SH3BP5L: variants seen among roughly 807,000 people sequenced by gnomAD.
SH3BP5L encodes SH3 binding domain protein 5 like, also known as SH3 domain-binding protein 5-like.
In SH3BP5L, 16 loss-of-function variants were observed where a neutral mutation model predicts 40.9. The observed-to-expected ratio is 0.39, with a 90% CI of 0.27 to 0.59. The LOEUF is 0.59. Ranked by LOEUF, SH3BP5L falls within the 20% of genes least tolerant of loss-of-function variation. The pLI, the probability that SH3BP5L is intolerant of heterozygous loss-of-function variation, is 0.53. For synonymous variants in SH3BP5L, 229 were observed against 226.7 expected (o/e 1.01, Z -0.09); for missense variants, 471 against 544.6 (o/e 0.86, Z 1.35).
rs377372429 is a variant in SH3BP5L, at chr1:248,813,094, T to C, written c.606A>G (p.Gln202=). 3.1e-6 allele frequency: 5 copies of C among 1,611,726 alleles called. No homozygotes were observed. The African/African-American group carries it at 6.7e-5, about 22-fold the overall frequency. ...GGGCTTGGACCCGAGCCTCAGCCTG[T>C]TGGCACAGCCGAGTCACTCGCTGGT... The part of the protein sequence containing the change: ...REHQRVTRLC[Q]QAEARVQALQ... The change falls in exon 6 of 7, where the codon CAA becomes CAG. Residue 202 remains glutamine, a synonymous_variant. Transcript: ENST00000366472.
intron 4 of SH3BP5L, chr1:248,816,276 C>A (rs1664101967): frequency 4.4e-6 from 2 of 456,162 alleles, no homozygotes; most frequent in Non-Finnish European, 8.1e-6. Flanking sequence ...TCCTGATACA[C>A]AGAAGGCACT....
At chr1:248,815,038 C>G (rs1178102194) in intron 4 of SH3BP5L, among the ~76,000 whole-genome samples, 14 of 152,162 alleles carry the variant, frequency 9.2e-5, no homozygotes. Flanking sequence ...TCATCATAGC[C>G]ATACCAACCA....
intron 2 of SH3BP5L, chr1:248,820,413 GC>G (rs1156895279): frequency 6.6e-6 from 1 of 152,254 alleles, no homozygotes; most frequent in Non-Finnish European, 1.5e-5. Flanking sequence ...CTCCCTGGGG[GC>G]CCAGCTTCCT....
At chr1:248,818,670 G>C (rs1312686129) in intron 2 of SH3BP5L, among the ~76,000 whole-genome samples, 2 of 152,226 alleles carry the variant, frequency 1.3e-5, no homozygotes, top group Non-Finnish European at 2.9e-5. Flanking sequence ...GAACCATCCA[G>C]GGCTTTCCAT....
chr1:248,822,792 A>T (rs1395695138), intron 2 of SH3BP5L, among the ~76,000 whole-genome samples: 1 of 150,898 alleles, frequency 6.6e-6, no homozygotes, highest in Non-Finnish European at 1.5e-5. Flanking sequence ...CCCCCCAAGT[A>T]GCTGGGATTA....
At chr1:248,815,743 C>A (rs189698649) in intron 4 of SH3BP5L, among the ~76,000 whole-genome samples, 2 of 152,330 alleles carry the variant, frequency 1.3e-5, no homozygotes, top group East Asian at 3.9e-4. Flanking sequence ...CAGGGCCTAG[C>A]AAAGTTATTC....
At chr1:248,819,093 C>G (rs1301941940) in intron 2 of SH3BP5L, among the ~76,000 whole-genome samples, 1 of 152,154 alleles carries the variant, frequency 6.6e-6, no homozygotes, top group Non-Finnish European at 1.5e-5. Flanking sequence ...CTTCTATCCT[C>G]CCCCCATCCC....
At chr1:248,819,272 G>A (rs1664190215) in intron 2 of SH3BP5L, among the ~76,000 whole-genome samples, 2 of 152,058 alleles carry the variant, frequency 1.3e-5, no homozygotes, top group Non-Finnish European at 2.9e-5. Context: ...CCCTGCCTAA[G>A]GAGGGCCACA....
At chr1:248,822,531 C>A (rs1664277802) in intron 2 of SH3BP5L, among the ~76,000 whole-genome samples, 1 of 152,210 alleles carries the variant, frequency 6.6e-6, no homozygotes. Flanking sequence ...AGCGACATCA[C>A]AAGTTCACTG....
chr1:248,824,943 G>T lies in SH3BP5L; in HGVS notation c.-8C>A. 6.2e-7 allele frequency: 1 copy of T among 1,610,890 alleles called. No homozygotes were observed. The highest frequency in any genetic ancestry group is 8.5e-7 in the Non-Finnish European group (1 of 1,178,776). Reference sequence around the variant, plus strand: ...CTGTCTGAGCTCAGCCATGCTGACAGGGGGAGGGCAGAGCCCTATGCACAA... The same window carrying T: ...CTGTCTGAGCTCAGCCATGCTGACATGGGGAGGGCAGAGCCCTATGCACAA... On this transcript the variant is annotated 5_prime_UTR_variant, in exon 2 of 7. The change creates a new upstream start codon in the 5' untranslated region. Coordinates refer to ENST00000366472, the MANE Select transcript of SH3BP5L (RefSeq NM_030645.3).
At position 248,813,126 on chromosome 1, in the gene SH3BP5L, G is replaced by C. The variant is rs554983579; in HGVS notation, c.574C>G (p.Arg192Gly). The C allele has an allele frequency of 6.8e-6, 11 of 1,606,874 alleles. No individual in the cohort carries two copies. In the Admixed American group the frequency reaches 1.7e-4, roughly 25 times the overall value. ...EAEEERLRGE[R>G]EHQRVTRLCQ... ...AGCCGAGTCACTCGCTGGTGCTCCC[G>C]CTCACCTCGAAGCCGCTCTTCCTCC... Residue 192 changes from arginine to glycine, a missense_variant, in exon 6 of 7, where the codon CGG becomes GGG. Coordinates refer to ENST00000366472, the MANE Select transcript of SH3BP5L (RefSeq NM_030645.3).
chr1:248,816,849 C>A lies in SH3BP5L; in HGVS notation c.219G>T (p.Glu73Asp). Reference protein sequence around the residue: ...ELEHLNQASEEINQVELQLDE... With the variant: ...ELEHLNQASEDINQVELQLDE... ...CCAGCTGTAGTTCCACCTGGTTGAT[C>A]TCCTCGCTGGCCTGGTTCAGGTGCT... The change falls in exon 3 of 7, where the codon GAG becomes GAT. Residue 73 changes from glutamate (E) to aspartate (D), a missense_variant. Physicochemically the swap from Glu to Asp is conservative, Grantham distance 45. Coordinates refer to ENST00000366472, the MANE Select transcript of SH3BP5L (RefSeq NM_030645.3). 6.2e-7 allele frequency: 1 copy of A among 1,614,208 alleles called. No individual in the cohort carries two copies. Among genetic ancestry groups the A allele is most frequent in the Non-Finnish European group, 8.5e-7 (1 of 1,180,036 alleles).
At position 248,812,953 on chromosome 1, in the gene SH3BP5L, C is replaced by G; in HGVS notation, c.711+36G>C. 6.5e-7 allele frequency: 1 copy of G among 1,535,068 alleles called. No individual in the cohort carries two copies. The highest frequency in any genetic ancestry group is 1.2e-5 in the South Asian group (1 of 80,490). ...CATCCCCTCCAGCCTGCACCCCCAC[C>G]TACCCATTCCTCCTCCCCCTCACCC... On this transcript the variant is annotated intron_variant, in intron 6 of 6. Transcript: ENST00000366472. The surrounding 1 kb of genome is among the most constrained non-coding windows in gnomAD (Gnocchi z 6.1).
Position 248,812,866 on chromosome 1 carries a change from C to T in SH3BP5L, c.711+123G>A, listed in dbSNP as rs75254356. 0.078 allele frequency: 64,557 copies of T among 832,284 alleles called. 4,504 individuals carry two copies. Among genetic ancestry groups the T allele is most frequent in the African/African-American group, 0.23 (13,189 of 57,240 alleles). 51.6% of individuals were successfully genotyped at this position (832,284 alleles called of 1,614,324 possible). A position where few individuals can be genotyped will look rare whatever the true frequency, so the allele number is the denominator to read the frequency against. On this transcript the variant is annotated intron_variant, in intron 6 of 6. Transcript: ENST00000366472. The surrounding 1 kb of genome is among the most constrained non-coding windows in gnomAD (Gnocchi z 6.1). ...GAACATGTGTGCCACCACCCTTCCCCACCGCTAGCCGGAGGCCTCACCCTG... is the reference window on the plus strand; with the variant it reads ...GAACATGTGTGCCACCACCCTTCCCTACCGCTAGCCGGAGGCCTCACCCTG...
intron 4 of SH3BP5L, chr1:248,815,979 G>C (rs1468349748): frequency 6.4e-6 from 1 of 156,480 alleles, no homozygotes; most frequent in African/African-American, 2.4e-5. Flanking sequence ...TCACCATACA[G>C]GATGACAACA....
chr1:248,822,461 C>A (rs754323820), intron 2 of SH3BP5L, among the ~76,000 whole-genome samples: 1 of 152,194 alleles, frequency 6.6e-6, no homozygotes, highest in Non-Finnish European at 1.5e-5. Context: ...CCACAACATT[C>A]CACAACGTGT....
chr1:248,819,655 A>G (rs1664198860), intron 2 of SH3BP5L, among the ~76,000 whole-genome samples: 1 of 139,782 alleles, frequency 7.2e-6, no homozygotes, highest in South Asian at 2.4e-4. Flanking sequence ...GTGGTCTGAG[A>G]TTGTGCCACT....
At position 248,813,059 on chromosome 1, in the gene SH3BP5L, G is replaced by A. The variant is rs538525157; in HGVS notation, c.641C>T (p.Thr214Ile). 2 of 1,612,060 alleles carry A rather than the reference G, an allele frequency of 1.2e-6. No individual in the cohort carries two copies. The highest frequency in any genetic ancestry group is 1.3e-5 in the African/African-American group (1 of 75,026). ...AEARVQALQKTLRRAIGKSRP... is the reference protein window; with the variant it reads ...AEARVQALQKILRRAIGKSRP... ...GCTCTTGCCGATGGCCCTCCGGAGG[G>A]TCTTCTGCAGGGCTTGGACCCGAGC... The change falls in exon 6 of 7, where the codon ACC becomes ATC. Residue 214 changes from threonine (T) to isoleucine (I), a missense_variant. Coordinates refer to ENST00000366472, the MANE Select transcript of SH3BP5L (RefSeq NM_030645.3).
rs137922302 is a variant in SH3BP5L, at chr1:248,810,959, C to T, written c.*941G>A. On this transcript the variant is annotated 3_prime_UTR_variant, in exon 7 of 7. Transcript: ENST00000366472. Reference sequence around the variant, plus strand: ...AGCAATTGAGCACCAAATTCCCTAACCCCGTCCTGCAGGAGGGTGCTGAGT... The same window carrying T: ...AGCAATTGAGCACCAAATTCCCTAATCCCGTCCTGCAGGAGGGTGCTGAGT... 0.034 allele frequency: 5,264 copies of T among 152,832 alleles called. 140 individuals are homozygous for T. The highest frequency in any genetic ancestry group is 0.048 in the Non-Finnish European group (3,288 of 68,084). The allele number at this position is 152,832 out of a possible 1,614,324, so 9.5% of individuals were successfully genotyped here.
Sources: gnomAD v4.1 joint callset for allele counts (sites outside exome capture counted in the v4.1 genomes callset) on GRCh38, gnomAD v4.1.1 for gene constraint, Gnocchi (gnomAD v3.1) non-coding constraint, MANE v1.5 for transcripts, NCBI Gene and HGNC (gene_info 2026-07-23, HGNC 2026-07-21) for gene names.